The following KLRD1 variants were observed in gnomAD, a reference collection of about 807,000 sequenced individuals.
The protein encoded by KLRD1 is natural killer cells antigen CD94.
KLRD1 carries 21 observed loss-of-function variants against 22.6 expected under a neutral mutation model. The ratio of observed to expected loss-of-function variants is 0.93; its 90% confidence interval spans 0.66 to 1.34. KLRD1 has a LOEUF of 1.34. KLRD1 is among the 40% of genes most tolerant of loss of function. The probability of loss-of-function intolerance (pLI) is 0.00; values close to 1 mark genes in which losing one functional copy is unlikely to be tolerated. For synonymous variants in KLRD1, 59 were observed against 71.1 expected, an observed-to-expected ratio of 0.83 and a Z score of 0.85; for missense variants, 183 against 208.6, an observed-to-expected ratio of 0.88 and a Z score of 0.76.
At chr12:10,303,224 C>T (rs544904816), upstream of KLRD1, among the ~76,000 whole-genome samples, 1 of 152,334 alleles carries the variant, frequency 6.6e-6, no homozygotes, top group South Asian at 2.1e-4. Context: ...TCTGCCTACT[C>T]TCATTCACCA....
intron 1 of KLRD1, among the ~76,000 whole-genome samples, chr12:10,252,329 C>T (rs954285703): frequency 1.3e-5 from 2 of 152,130 alleles, no homozygotes; most frequent in Middle Eastern, 3.4e-3. Flanking sequence ...AGGTGTATTA[C>T]GTATTTTCTA....
intron 1 of KLRD1, among the ~76,000 whole-genome samples, chr12:10,256,807 A>G (rs554730483): frequency 5.9e-5 from 9 of 152,136 alleles, no homozygotes; most frequent in African/African-American, 1.7e-4. Context: ...TTATATCTTC[A>G]TATGATGATG....
At chr12:10,288,597 A>G (rs904672985) in intron 1 of KLRD1, among the ~76,000 whole-genome samples, 5 of 152,130 alleles carry the variant, frequency 3.3e-5, no homozygotes, top group Non-Finnish European at 1.5e-5. Flanking sequence ...AAATTTAAGA[A>G]CTATTACTAT....
rs1168339301 is a variant in KLRD1, at chr12:10,325,887, A to T, written c.*11094A>T. On this transcript the variant is annotated 3_prime_UTR_variant, in exon 6 of 6. Coordinates refer to ENST00000336164, the MANE Select transcript of KLRD1 (RefSeq NM_002262.5). ...ATTTTTAATTTTTTGAGAAATCACC[A>T]TCCTGTTTTCCACAGAAGCAGCACA... The T allele has an allele frequency of 6.6e-6, 1 of 152,188 alleles. No homozygotes were observed. The highest frequency in any genetic ancestry group is 1.5e-5 in the Non-Finnish European group (1 of 68,032). The allele number at this position is 152,188 out of a possible 1,614,324, so 9.4% of individuals were successfully genotyped here.
intron 1 of KLRD1, among the ~76,000 whole-genome samples, chr12:10,286,662 C>T (rs199836695): frequency 0.033 from 1,797 of 54,762 alleles, 26 homozygotes; most frequent in East Asian, 0.1. Context: ...GCTTATGGTG[C>T]TTTTTTTTTT....
rs1950290602 is a variant in KLRD1 at position 10,319,511 on chromosome 12, T to A, written c.*4718T>A. The A allele has an allele frequency of 6.6e-6, 1 of 152,248 alleles. No individual in the cohort carries two copies. The highest frequency in any genetic ancestry group is 2.1e-4 in the South Asian group (1 of 4,834). The allele number at this position is 152,248 out of a possible 1,614,324, so 9.4% of individuals were successfully genotyped here. A position where few individuals can be genotyped will look rare whatever the true frequency, so the allele number is the denominator to read the frequency against. On this transcript the variant is annotated 3_prime_UTR_variant, in exon 6 of 6. Transcript: ENST00000336164. The stretch of plus-strand genomic sequence containing the variant: ...AGTGGAAATGATGATATTTCATTTC[T>A]GAGAATAGGTCATCAAAGATAGTAT...
intron 1 of KLRD1, among the ~76,000 whole-genome samples, chr12:10,277,905 C>T (rs549967506): frequency 7.2e-5 from 11 of 152,312 alleles, no homozygotes; most frequent in African/African-American, 2.2e-4. Context: ...ACATGTACAT[C>T]TGTGATTCCT....
intron 4 of KLRD1, among the ~76,000 whole-genome samples, chr12:10,312,070 T>G (rs1209923715): frequency 2.0e-5 from 2 of 101,850 alleles, no homozygotes; most frequent in African/African-American, 6.8e-5. Flanking sequence ...TTTTTTTTTT[T>G]GAGACAGAGT....
At chr12:10,242,469 G>C (rs953320132) in intron 1 of KLRD1, among the ~76,000 whole-genome samples, 8 of 152,082 alleles carry the variant, frequency 5.3e-5, no homozygotes, top group African/African-American at 1.4e-4. Flanking sequence ...GTGGATAGTG[G>C]ATAGTTGACT....
At chr12:10,250,821 AG>A (rs1285344193) in intron 1 of KLRD1, among the ~76,000 whole-genome samples, 7 of 152,114 alleles carry the variant, frequency 4.6e-5, no homozygotes, top group Non-Finnish European at 8.8e-5. Context: ...TAGCGTATTA[AG>A]GTAATATAAA....
intron 1 of KLRD1, among the ~76,000 whole-genome samples, chr12:10,288,254 AAAAG>A (rs1291020157): frequency 2.5e-3 from 380 of 151,934 alleles, no homozygotes; most frequent in African/African-American, 8.7e-3. Flanking sequence ...AAAAAAAAAA[AAAAG>A]AAAGATCAGT....
rs1950345292 is a variant in KLRD1, at chr12:10,324,818, G to GTATATATATATATATGTATATA, written c.*10040_*10041insGTATATATATATATATATATAT. 1.3e-5 allele frequency: 1 copy of GTATATATATATATATGTATATA among 74,142 alleles called. No individual in the cohort carries two copies. Among genetic ancestry groups the GTATATATATATATATGTATATA allele is most frequent in the African/African-American group, 4.2e-5 (1 of 23,542 alleles). The allele number at this position is 74,142 out of a possible 1,614,324, so 4.6% of individuals were successfully genotyped here. On this transcript the variant is annotated 3_prime_UTR_variant, in exon 6 of 6. Transcript: ENST00000336164. ...AGTATATATGTATATGTGTGTGTGT[G>GTATATATATATATATGTATATA]TATATATATATATATATATATATAT...
Position 10,311,516 on chromosome 12 carries a change from T to C in KLRD1, c.216T>C (p.Cys72=). Residue 72 remains cysteine, a synonymous_variant, in exon 4 of 6, where the codon TGT becomes TGC. Coordinates refer to ENST00000336164, the MANE Select transcript of KLRD1 (RefSeq NM_002262.5). The part of the protein sequence containing the change: ...QEKWVGYRCN[C]YFISSEQKTW... The stretch of plus-strand genomic sequence containing the variant: ...AATGGGTTGGGTACCGGTGCAACTG[T>C]TACTTCATTTCCAGTGAACAGAAAA... The C allele has an allele frequency of 1.2e-6, 2 of 1,614,022 alleles. No homozygotes were observed. The highest frequency in any genetic ancestry group is 2.2e-5 in the South Asian group (2 of 91,058).
intron 1 of KLRD1, among the ~76,000 whole-genome samples, chr12:10,260,801 G>A (rs912926633): frequency 7.2e-5 from 11 of 152,122 alleles, no homozygotes; most frequent in Admixed American, 1.3e-4. Flanking sequence ...AATTAGCCGG[G>A]TGTGGTGGTG....
At chr12:10,269,758 T>C (rs1038505030) in intron 1 of KLRD1, among the ~76,000 whole-genome samples, 1 of 152,166 alleles carries the variant, frequency 6.6e-6, no homozygotes, top group African/African-American at 2.4e-5. Flanking sequence ...ATCAAATTCA[T>C]CTTAACTTTC....
At chr12:10,297,089 G>A (rs1435844220) in intron 1 of KLRD1, among the ~76,000 whole-genome samples, 2 of 151,258 alleles carry the variant, frequency 1.3e-5, no homozygotes, top group Non-Finnish European at 2.9e-5. Context: ...ACAAGAGAAG[G>A]AAGGAAACAG....
At position 10,309,698 on chromosome 12, in the gene KLRD1, A is replaced by AT; in HGVS notation, c.163+16dup. On this transcript the variant is annotated intron_variant, in intron 3 of 5. Transcript: ENST00000336164. The stretch of plus-strand genomic sequence containing the variant: ...ATAGAACTCCAGAAAGGTAGGTCAC[A>AT]TTTTTTGGAAAACTTAGCATTGGTA... 1.2e-6 allele frequency: 2 copies of AT among 1,604,256 alleles called. No individual in the cohort carries two copies. Among genetic ancestry groups the AT allele is most frequent in the Non-Finnish European group, 1.7e-6 (2 of 1,171,456 alleles).
intron 5 of KLRD1, 138 bp from the exon 6 acceptor site, chr12:10,314,535 T>G (rs537352201): frequency 1.7e-6 from 1 of 605,316 alleles, no homozygotes; most frequent in African/African-American, 1.9e-5. Context: ...ATGAAAATTG[T>G]GGTTACTGAA....
At chr12:10,240,551 A>G (rs1226869923) in intron 1 of KLRD1, among the ~76,000 whole-genome samples, 2 of 152,172 alleles carry the variant, frequency 1.3e-5, no homozygotes, top group East Asian at 1.9e-4. Flanking sequence ...TGTAAACATT[A>G]AGTAATATAG....
Sources: allele counts gnomAD v4.1 joint callset (sites outside exome capture counted in the v4.1 genomes callset), GRCh38; gene constraint gnomAD v4.1.1; transcripts MANE v1.5; gene names NCBI Gene and HGNC (gene_info 2026-07-23, HGNC 2026-07-21).